The following TOX3 variants were observed in gnomAD, a reference collection of about 807,000 sequenced individuals.
TOX3 encodes TOX high mobility group box family member 3, also known as CAG trinucleotide repeat-containing gene F9 protein.
TOX3 carries 22 observed loss-of-function variants against 64.3 expected under a neutral mutation model. The ratio of observed to expected loss-of-function variants is 0.34; its 90% CI spans 0.24 to 0.49. TOX3 has a LOEUF of 0.49. Ranked by LOEUF, TOX3 falls within the 20% of genes least tolerant of loss-of-function variation. The pLI, the probability that TOX3 is intolerant of heterozygous loss-of-function variation, is 0.99. For synonymous variants in TOX3, 291 were observed against 273.6 expected, an observed-to-expected ratio of 1.06 and a Z score of -0.63; for missense variants, 661 against 714.4, an observed-to-expected ratio of 0.93 and a Z score of 0.85.
chr16:52,532,385 G>C (rs568492582), intron 1 of TOX3, among the ~76,000 whole-genome samples: 1 of 152,148 alleles, frequency 6.6e-6, no homozygotes, highest in Non-Finnish European at 1.5e-5. Context: ...CCTGCTGTCC[G>C]AAATACTGCC....
chr16:52,454,955 A>C (rs1960473535), intron 3 of TOX3, among the ~76,000 whole-genome samples: 1 of 152,214 alleles, frequency 6.6e-6, no homozygotes. Flanking sequence ...AATATAGCCC[A>C]GAGAAATTTA....
At chr16:52,515,011 C>CAAAA (rs56746564) in intron 1 of TOX3, among the ~76,000 whole-genome samples, 180 of 15,842 alleles carry the variant, frequency 0.011, 50 homozygotes, top group South Asian at 0.017. Context: ...GACTCCATCT[C>CAAAA]AAAAAAAAAA....
chr16:52,459,588 G>A (rs946486583), intron 3 of TOX3, among the ~76,000 whole-genome samples: 1 of 152,116 alleles, frequency 6.6e-6, no homozygotes, highest in African/African-American at 2.4e-5. Context: ...GAAATTGCTT[G>A]TCCCCCCATG....
At chr16:52,516,396 C>A (rs1962457178) in intron 1 of TOX3, among the ~76,000 whole-genome samples, 1 of 152,128 alleles carries the variant, frequency 6.6e-6, no homozygotes, top group African/African-American at 2.4e-5. Context: ...CAGTTACATG[C>A]ATTTAGAAAA....
chr16:52,447,380 A>G (rs933924623), intron 4 of TOX3, among the ~76,000 whole-genome samples: 4 of 152,190 alleles, frequency 2.6e-5, no homozygotes, highest in African/African-American at 9.7e-5. Flanking sequence ...AGTATTATTT[A>G]CTTTCTAAAT....
chr16:52,496,370 T>G (rs1388475836), intron 1 of TOX3, among the ~76,000 whole-genome samples: 1 of 152,208 alleles, frequency 6.6e-6, no homozygotes, highest in Non-Finnish European at 1.5e-5. Context: ...ACACGCAACA[T>G]ACTATAAACT....
At position 52,450,473 on chromosome 16, in the gene TOX3, GTCATGTGGACGATGGACCGCATGA is replaced by G; in HGVS notation, c.458_481del (p.Ile153_Met160del). The G allele has an allele frequency of 6.2e-7, 1 of 1,614,022 alleles. No individual in the cohort carries two copies. The highest frequency in any genetic ancestry group is 8.5e-7 in the Non-Finnish European group (1 of 1,179,886). ...CATGACCCCAGAACGCGCAGCATCG[GTCATGTGGACGATGGACCGCATGA>G]TCAGGGAGGGATCCTGCCGGTACTG... On this transcript the variant is annotated inframe_deletion, in exon 4 of 7. Coordinates refer to ENST00000219746, the MANE Select transcript of TOX3 (RefSeq NM_001080430.4).
chr16:52,492,564 A>AATATATATATATAT (rs56848244), intron 1 of TOX3, among the ~76,000 whole-genome samples: 5,545 of 90,052 alleles, frequency 0.062, 315 homozygotes, highest in African/African-American at 0.086. Flanking sequence ...GTTGTATATA[A>AATATATATATATAT]ATATATATAT....
chr16:52,545,411 T>G (rs1049588202), intron 1 of TOX3, among the ~76,000 whole-genome samples: 5 of 152,134 alleles, frequency 3.3e-5, no homozygotes, highest in African/African-American at 7.2e-5. Context: ...GCACTAGAGT[T>G]GGGAACGCAG....
At chr16:52,459,443 C>T (rs1960624672) in intron 3 of TOX3, among the ~76,000 whole-genome samples, 1 of 152,084 alleles carries the variant, frequency 6.6e-6, no homozygotes, top group Non-Finnish European at 1.5e-5. Context: ...AGGTCTTATT[C>T]CATTCAATGT....
At chr16:52,495,440 T>C (rs750350151) in intron 1 of TOX3, among the ~76,000 whole-genome samples, 16 of 152,182 alleles carry the variant, frequency 1.1e-4, no homozygotes. Flanking sequence ...TCACCAGGCC[T>C]AAAGTGTGGG....
chr16:52,517,273 G>A (rs1175584714), intron 1 of TOX3, among the ~76,000 whole-genome samples: 1 of 152,126 alleles, frequency 6.6e-6, no homozygotes, highest in East Asian at 1.9e-4. Context: ...GATTCCCGTG[G>A]TTCCCAGAGC....
chr16:52,499,444 T>C (rs913969972), intron 1 of TOX3, among the ~76,000 whole-genome samples: 2 of 152,070 alleles, frequency 1.3e-5, no homozygotes, highest in African/African-American at 4.8e-5. Flanking sequence ...ATAAAATAAA[T>C]ACAAGACAAA....
chr16:52,442,341 C>T (rs963593827), intron 6 of TOX3, among the ~76,000 whole-genome samples: 1 of 152,160 alleles, frequency 6.6e-6, no homozygotes, highest in African/African-American at 2.4e-5. Context: ...TGGGGCTGAA[C>T]TCTCACTCCC....
At chr16:52,486,647 G>A (rs1227608837) in intron 1 of TOX3, among the ~76,000 whole-genome samples, 1 of 152,178 alleles carries the variant, frequency 6.6e-6, no homozygotes, top group Non-Finnish European at 1.5e-5. Context: ...TAAAGAAATT[G>A]TGGGCTGGGT....
At chr16:52,497,005 T>G (rs746551262) in intron 1 of TOX3, among the ~76,000 whole-genome samples, 9 of 152,128 alleles carry the variant, frequency 5.9e-5, no homozygotes, top group Non-Finnish European at 1.2e-4. Flanking sequence ...AGTTTAATTT[T>G]TGAAGGAAAT....
rs71376169 is a variant in TOX3, at chr16:52,510,759, C to CAAA, written c.87+35875_87+35877dup. On this transcript the variant is annotated intron_variant, in intron 1 of 6. Transcript: ENST00000219746. Reference sequence around the variant, plus strand: ...AAACAGACAGAGAAGGACCCTGTCTCAAAAAAAAAAAAAAAAAAAAAGAAG... The same window carrying CAAA: ...AAACAGACAGAGAAGGACCCTGTCTCAAAAAAAAAAAAAAAAAAAAAAAAGAAG... Among the ~76,000 whole-genome samples the CAAA allele has an allele frequency of 1.0e-3, 72 of 71,732 alleles. 2 individuals carry two copies. Among genetic ancestry groups the CAAA allele is most frequent in the South Asian group, 4.1e-3 (6 of 1,458 alleles). The allele number at this position is 71,732 out of a possible 152,430, so 47.1% of individuals were successfully genotyped here.
intron 1 of TOX3, among the ~76,000 whole-genome samples, chr16:52,515,697 T>A (rs892367210): frequency 6.6e-6 from 1 of 152,242 alleles, no homozygotes; most frequent in Non-Finnish European, 1.5e-5. Context: ...CCAGTGATCA[T>A]GTTACTCTAA....
intron 5 of TOX3, 22 bp downstream of exon 5, chr16:52,445,972 C>A (rs1049983094): frequency 6.2e-7 from 1 of 1,602,200 alleles, no homozygotes; most frequent in Non-Finnish European, 8.5e-7. Flanking sequence ...ATTGATGGAG[C>A]CTTGATGGGT....
Sources: allele counts gnomAD v4.1 joint callset (sites outside exome capture counted in the v4.1 genomes callset), GRCh38; gene constraint gnomAD v4.1.1; transcripts MANE v1.5; gene names NCBI Gene and HGNC (gene_info 2026-07-23, HGNC 2026-07-21).